DNAH3: variants seen among roughly 807,000 people sequenced by gnomAD.
DNAH3 encodes dynein axonemal heavy chain 3.
In DNAH3, 332 loss-of-function variants were observed where a neutral mutation model predicts 432.5. The observed-to-expected ratio is 0.77, with a 90% CI of 0.70 to 0.84. DNAH3 has a LOEUF of 0.84. Among genes scored for constraint, DNAH3 ranks in the 40% least tolerant of loss-of-function variants. The probability of loss-of-function intolerance (pLI) is 0.00; values close to 1 mark genes in which losing one functional copy is unlikely to be tolerated. For missense variants in DNAH3, 4,861 were observed against 5,114.0 expected (o/e 0.95, Z 1.51); for synonymous variants, 1,956 against 1,900.2 (o/e 1.03, Z -0.76).
intron 18 of DNAH3, among the ~76,000 whole-genome samples, chr16:21,087,987 C>T (rs543265773): frequency 1.3e-5 from 2 of 152,104 alleles, no homozygotes; most frequent in Non-Finnish European, 2.9e-5. Flanking sequence ...CTTTATTTTG[C>T]TAAGAACCTT....
intron 9 of DNAH3, among the ~76,000 whole-genome samples, chr16:21,124,557 A>G (rs2092407265): frequency 6.6e-6 from 1 of 152,164 alleles, no homozygotes; most frequent in Admixed American, 6.5e-5. Flanking sequence ...AAAAATTGAT[A>G]CTGATTAATT....
chr16:20,950,387 G>C (rs1448267904), intron 56 of DNAH3, among the ~76,000 whole-genome samples: 1 of 152,180 alleles, frequency 6.6e-6, no homozygotes, highest in Admixed American at 6.5e-5. Flanking sequence ...CTGTTCAGTA[G>C]CATCCCTAGC....
intron 58 of DNAH3, among the ~76,000 whole-genome samples, 197 bp from the exon 59 acceptor site, chr16:20,941,740 T>A (rs1213783178): frequency 6.6e-6 from 1 of 150,728 alleles, no homozygotes; most frequent in African/African-American, 2.5e-5. Context: ...GGGGAGGGCA[T>A]CGCCTCTTGG....
chr16:20,948,785 G>A (rs549044264), intron 56 of DNAH3, 148 bp from the exon 57 acceptor site: 1 of 847,060 alleles, frequency 1.2e-6, no homozygotes, highest in African/African-American at 1.7e-5. Flanking sequence ...CCGGGCAGAA[G>A]ATGGCGGGTC....
intron 41 of DNAH3, among the ~76,000 whole-genome samples, chr16:21,014,139 A>T (rs2087749005): frequency 2.0e-5 from 3 of 152,224 alleles, no homozygotes; most frequent in African/African-American, 7.2e-5. Context: ...TAAGAGAGGA[A>T]AATTACAGAC....
At chr16:21,043,037 C>T (rs949923840) in intron 31 of DNAH3, among the ~76,000 whole-genome samples, 4 of 152,148 alleles carry the variant, frequency 2.6e-5, no homozygotes, top group African/African-American at 4.8e-5. Context: ...TTCCATGGTG[C>T]ATATGTGCCA....
intron 14 of DNAH3, 93 bp from the exon 15 acceptor site, chr16:21,106,767 C>T: frequency 2.7e-6 from 3 of 1,100,402 alleles, no homozygotes; most frequent in Non-Finnish European, 2.4e-6. Flanking sequence ...GTTCAAAATA[C>T]ATAATTCCTA....
chr16:21,061,817 C>T (rs1389055394), intron 25 of DNAH3, among the ~76,000 whole-genome samples: 4 of 152,166 alleles, frequency 2.6e-5, no homozygotes, highest in Non-Finnish European at 5.9e-5. Flanking sequence ...TTCAAATATG[C>T]CCCAAATTAT....
At chr16:21,135,200 A>G (rs2092625539) in intron 6 of DNAH3, among the ~76,000 whole-genome samples, 1 of 152,152 alleles carries the variant, frequency 6.6e-6, no homozygotes, top group African/African-American at 2.4e-5. Flanking sequence ...AGGCAGGACA[A>G]TGAAATAGGA....
At chr16:21,021,921 C>G (rs1352991275) in intron 40 of DNAH3, 50 bp downstream of exon 40, 1 of 1,597,062 alleles carries the variant, frequency 6.3e-7, no homozygotes, top group African/African-American at 1.4e-5. Flanking sequence ...AAGAAATAGC[C>G]AAGGTAGACC....
At chr16:21,156,572 A>G (rs1210345546) in intron 1 of DNAH3, among the ~76,000 whole-genome samples, 1 of 152,170 alleles carries the variant, frequency 6.6e-6, no homozygotes, top group African/African-American at 2.4e-5. Flanking sequence ...CTTCACCTTC[A>G]TGACCTAATC....
chr16:21,033,963 G>C lies in DNAH3; in HGVS notation c.5197+11C>G, dbSNP rs1327434895. 2 of 1,606,648 alleles carry C rather than the reference G, an allele frequency of 1.2e-6. No individual in the cohort carries two copies. Among genetic ancestry groups the C allele is most frequent in the South Asian group, 2.2e-5 (2 of 90,790 alleles). On this transcript the variant is annotated intron_variant, in intron 36 of 61. Transcript: ENST00000261383. The stretch of plus-strand genomic sequence containing the variant: ...TCTGTCCTCCCTGGAAGCCAGGGAT[G>C]TGAGCTTTACCTGCGTGTAAATCGC...
intron 9 of DNAH3, among the ~76,000 whole-genome samples, chr16:21,123,346 T>C (rs1220796043): frequency 6.6e-6 from 1 of 152,218 alleles, no homozygotes; most frequent in East Asian, 1.9e-4. Flanking sequence ...TAGATCCATT[T>C]AAAGATGACT....
At chr16:21,131,798 G>A (rs1327903927) in intron 7 of DNAH3, among the ~76,000 whole-genome samples, 1 of 146,996 alleles carries the variant, frequency 6.8e-6, no homozygotes, top group Non-Finnish European at 1.5e-5. Context: ...AGGTTGCGGT[G>A]AGCCAAGATC....
chr16:20,980,987 CT>C (rs1004589600), intron 49 of DNAH3, among the ~76,000 whole-genome samples: 1 of 152,150 alleles, frequency 6.6e-6, no homozygotes, highest in Admixed American at 6.6e-5. Flanking sequence ...TCCAATAAAA[CT>C]TTATTTACAA....
At chr16:20,961,176 ATC>A (rs927717832) in intron 53 of DNAH3, among the ~76,000 whole-genome samples, 2 of 152,236 alleles carry the variant, frequency 1.3e-5, no homozygotes, top group African/African-American at 2.4e-5. Context: ...TACGAACTGC[ATC>A]GTGTCCCTAG....
chr16:20,958,841 C>T (rs539331437), intron 54 of DNAH3, among the ~76,000 whole-genome samples: 2 of 152,260 alleles, frequency 1.3e-5, no homozygotes, highest in Admixed American at 6.5e-5. Context: ...GATCCCTGCT[C>T]GCTACAACCT....
At chr16:21,043,143 T>G (rs1289881820) in intron 31 of DNAH3, among the ~76,000 whole-genome samples, 2 of 151,956 alleles carry the variant, frequency 1.3e-5, no homozygotes, top group Admixed American at 6.6e-5. Context: ...CGTGTGCATG[T>G]GTCTTTATAG....
intron 44 of DNAH3, among the ~76,000 whole-genome samples, chr16:20,989,559 T>C (rs1054827297): frequency 1.3e-5 from 2 of 152,260 alleles, no homozygotes; most frequent in African/African-American, 4.8e-5. Flanking sequence ...CCCACCAGAC[T>C]CAGGAGCCCA....
Sources: gnomAD v4.1 joint callset for allele counts (sites outside exome capture counted in the v4.1 genomes callset) on GRCh38, gnomAD v4.1.1 for gene constraint, MANE v1.5 for transcripts, NCBI Gene and HGNC (gene_info 2026-07-23, HGNC 2026-07-21) for gene names.